Variants in METTL24 observed in about 807,000 individuals in gnomAD.
The protein encoded by METTL24 is probable methyltransferase-like protein 24.
METTL24 carries 29 observed loss-of-function variants against 32.7 expected under a neutral mutation model. The ratio of observed to expected loss-of-function variants is 0.89; its 90% CI spans 0.66 to 1.21. METTL24 has a LOEUF of 1.21. Ranked by LOEUF, METTL24 falls within the 50% of genes most tolerant of loss-of-function variation. The pLI is 0.00. For synonymous variants in METTL24, 163 were observed against 179.5 expected (o/e 0.91, Z 0.73); for missense variants, 439 against 468.1 (o/e 0.94, Z 0.57).
intron 4 of METTL24, among the ~76,000 whole-genome samples, chr6:110,263,024 G>C (rs1401658810): frequency 6.6e-6 from 1 of 152,160 alleles, no homozygotes; most frequent in Non-Finnish European, 1.5e-5. Flanking sequence ...TACTGAATGT[G>C]CAAAAACTGG....
chr6:110,246,003 G>A lies in METTL24; in HGVS notation c.1044C>T (p.Asp348=), dbSNP rs1778150417. The A allele has an allele frequency of 6.2e-7, 1 of 1,614,170 alleles. No homozygotes were observed. Among genetic ancestry groups the A allele is most frequent in the Non-Finnish European group, 8.5e-7 (1 of 1,180,008 alleles). Reference sequence around the variant, plus strand: ...TATAACAGCTACTTGCATTGAAAATGTCTTTCTTCAAGAATAGCTGAGGTT... The same window carrying A: ...TATAACAGCTACTTGCATTGAAAATATCTTTCTTCAAGAATAGCTGAGGTT... ...LSKPQLFLKK[D]IFNASSCYTL... is the part of the protein sequence containing the mutation. The change falls in exon 5 of 5, where the codon GAC becomes GAT. Residue 348 remains aspartate (D), a synonymous_variant. Coordinates refer to ENST00000338882, the MANE Select transcript of METTL24 (RefSeq NM_001123364.3).
chr6:110,290,915 T>C (rs1291909350), intron 4 of METTL24, among the ~76,000 whole-genome samples: 2 of 152,240 alleles, frequency 1.3e-5, no homozygotes, highest in Admixed American at 6.5e-5. Flanking sequence ...AGTTATGAAG[T>C]GATATCTCAT....
At chr6:110,285,572 C>T (rs1771206426) in intron 4 of METTL24, among the ~76,000 whole-genome samples, 1 of 152,054 alleles carries the variant, frequency 6.6e-6, no homozygotes, top group South Asian at 2.1e-4. Context: ...CACTTTCCCT[C>T]AGATAATTCA....
chr6:110,276,977 A>G (rs1371029152), intron 4 of METTL24, among the ~76,000 whole-genome samples: 1 of 152,166 alleles, frequency 6.6e-6, no homozygotes, highest in African/African-American at 2.4e-5. Context: ...ACCCAAATAG[A>G]TGGCACTTGG....
At chr6:110,325,865 T>C (rs1471103116) in intron 1 of METTL24, among the ~76,000 whole-genome samples, 1 of 152,200 alleles carries the variant, frequency 6.6e-6, no homozygotes, top group Non-Finnish European at 1.5e-5. Flanking sequence ...CCACTGCAAA[T>C]GGTGCAAACT....
At chr6:110,340,237 T>C (rs1439738264) in intron 1 of METTL24, among the ~76,000 whole-genome samples, 1 of 69,496 alleles carries the variant, frequency 1.4e-5, no homozygotes, top group South Asian at 5.5e-4. Flanking sequence ...GGCAGGGGCA[T>C]GGGGGTGGTG....
At chr6:110,356,480 A>C (rs1192353647) in intron 1 of METTL24, among the ~76,000 whole-genome samples, 1 of 152,056 alleles carries the variant, frequency 6.6e-6, no homozygotes, top group Non-Finnish European at 1.5e-5. Flanking sequence ...AGAAAAGAAA[A>C]AGAAAAGAAA....
chr6:110,302,578 CAT>C (rs1163080091), intron 3 of METTL24, among the ~76,000 whole-genome samples: 5 of 114,586 alleles, frequency 4.4e-5, no homozygotes, highest in East Asian at 2.5e-4. Flanking sequence ...CATACACACA[CAT>C]ATGTGTATAT....
At chr6:110,323,458 T>C (rs1330540101) in intron 1 of METTL24, among the ~76,000 whole-genome samples, 1 of 152,110 alleles carries the variant, frequency 6.6e-6, no homozygotes, top group African/African-American at 2.4e-5. Context: ...TTTCTAGCAC[T>C]GTGAGGCAGC....
At chr6:110,324,870 A>G (rs1771991036) in intron 1 of METTL24, among the ~76,000 whole-genome samples, 1 of 152,236 alleles carries the variant, frequency 6.6e-6, no homozygotes, top group African/African-American at 2.4e-5. Context: ...GTAAATAGAG[A>G]TATGACTAAA....
At chr6:110,300,813 AT>A (rs1690791569) in intron 3 of METTL24, among the ~76,000 whole-genome samples, 3 of 152,216 alleles carry the variant, frequency 2.0e-5, no homozygotes. Context: ...AAAAACAAAA[AT>A]AAAAAAATAA....
At chr6:110,313,981 A>G (rs1295778193) in intron 3 of METTL24, among the ~76,000 whole-genome samples, 2 of 152,212 alleles carry the variant, frequency 1.3e-5, no homozygotes, top group Non-Finnish European at 2.9e-5. Context: ...GTTTTTTTAA[A>G]GAATAAAATC....
chr6:110,346,129 A>G (rs557157122), intron 1 of METTL24, among the ~76,000 whole-genome samples: 1 of 152,338 alleles, frequency 6.6e-6, no homozygotes, highest in South Asian at 2.1e-4. Flanking sequence ...CTGTAATGCA[A>G]TACCCTGATT....
intron 2 of METTL24, among the ~76,000 whole-genome samples, chr6:110,321,062 C>T (rs1386811489): frequency 1.3e-5 from 2 of 152,062 alleles, no homozygotes; most frequent in Non-Finnish European, 2.9e-5. Context: ...CATGGCAAAA[C>T]CCTATCTCTA....
intron 4 of METTL24, among the ~76,000 whole-genome samples, chr6:110,263,420 G>C (rs149343297): frequency 6.6e-6 from 1 of 152,156 alleles, no homozygotes; most frequent in Non-Finnish European, 1.5e-5. Flanking sequence ...CAAAGGATGC[G>C]AAGGACCTCT....
chr6:110,309,638 AG>A (rs1771682479), intron 3 of METTL24, among the ~76,000 whole-genome samples: 2 of 152,172 alleles, frequency 1.3e-5, no homozygotes, highest in Admixed American at 6.5e-5. Context: ...AGGCAAAAAA[AG>A]GTTGTGCAGG....
chr6:110,294,225 A>G lies in METTL24; in HGVS notation c.786+4697T>C, dbSNP rs1326213945. Reference sequence around the variant, plus strand: ...ATTAACAAATGGTGAATTCCAGTGAAAAATATGTGACGGTTCATTATATTC... The same window carrying G: ...ATTAACAAATGGTGAATTCCAGTGAGAAATATGTGACGGTTCATTATATTC... On this transcript the variant is annotated intron_variant, in intron 4 of 4. Coordinates refer to ENST00000338882, the MANE Select transcript of METTL24 (RefSeq NM_001123364.3). Among the ~76,000 whole-genome samples, 9 of 152,058 alleles carry G rather than the reference A, an allele frequency of 5.9e-5. No homozygotes were observed. In the East Asian group the frequency reaches 1.7e-3, roughly 29 times the overall value.
At chr6:110,257,302 G>A (rs536170975) in intron 4 of METTL24, among the ~76,000 whole-genome samples, 2 of 152,268 alleles carry the variant, frequency 1.3e-5, no homozygotes, top group South Asian at 4.1e-4. Context: ...GTACAAGGAA[G>A]TGAACTGTTC....
At chr6:110,309,866 AAAAACAAAAC>A (rs543763659) in intron 3 of METTL24, among the ~76,000 whole-genome samples, 180 of 152,142 alleles carry the variant, frequency 1.2e-3, no homozygotes, top group African/African-American at 2.1e-3. Context: ...TAGGAGCAAA[AAAAACAAAAC>A]AAAACAAAAC....
Sources: gnomAD v4.1 joint callset for allele counts (sites outside exome capture counted in the v4.1 genomes callset) on GRCh38, gnomAD v4.1.1 for gene constraint, MANE v1.5 for transcripts, NCBI Gene and HGNC (gene_info 2026-07-23, HGNC 2026-07-21) for gene names.